Variants in NOL4 observed in about 807,000 individuals in gnomAD.
NOL4 encodes nucleolar protein 4.
In NOL4, 17 loss-of-function variants were observed where a neutral mutation model predicts 75.9. The observed-to-expected ratio is 0.22, with a 90% confidence interval of 0.15 to 0.34. NOL4 has a LOEUF of 0.34. NOL4 is among the 10% of genes least tolerant of loss of function. The pLI, the probability that NOL4 is intolerant of heterozygous loss-of-function variation, is 1.00. For missense variants in NOL4, 614 were observed against 793.5 expected, an observed-to-expected ratio of 0.77 and a Z score of 2.72; for synonymous variants, 292 against 289.9, an observed-to-expected ratio of 1.01 and a Z score of -0.07.
chr18:33,889,437 G>C (rs897031397), intron 9 of NOL4, among the ~76,000 whole-genome samples: 2 of 151,672 alleles, frequency 1.3e-5, no homozygotes, highest in African/African-American at 4.8e-5. Context: ...GACGGATTCT[G>C]GTAGGAATTC....
At chr18:34,140,573 C>G (rs2081102926) in intron 1 of NOL4, among the ~76,000 whole-genome samples, 1 of 152,126 alleles carries the variant, frequency 6.6e-6, no homozygotes, top group Non-Finnish European at 1.5e-5. Context: ...CTATGTGTGT[C>G]TCTGCACATG....
rs367692716 is a variant in NOL4 at position 34,223,245 on chromosome 18, G to A, written c.9C>T (p.Ser3=). The change falls in exon 1 of 11, where the codon AGC becomes AGT. Residue 3 remains serine, a synonymous_variant. Transcript: ENST00000261592. ...GGAACTGGCGGTACATGTCGCGCTC[G>A]CTCTCCATGTTCCCCGCGCTCGGCC... is the stretch of plus-strand genomic sequence containing the variant. ME[S]ERDMYRQFQD... is the part of the protein sequence containing the mutation. 67 of 1,613,410 alleles carry A rather than the reference G, an allele frequency of 4.2e-5. No individual in the cohort carries two copies. The highest frequency in any genetic ancestry group is 5.6e-5 in the Non-Finnish European group (66 of 1,179,940).
intron 5 of NOL4, among the ~76,000 whole-genome samples, chr18:34,020,909 C>T (rs1338655390): frequency 2.6e-5 from 4 of 152,038 alleles, no homozygotes; most frequent in Non-Finnish European, 5.9e-5. Flanking sequence ...GTAGTGAAAT[C>T]ATATAAATAT....
At chr18:34,060,914 G>C (rs927572870) in intron 5 of NOL4, among the ~76,000 whole-genome samples, 1 of 152,172 alleles carries the variant, frequency 6.6e-6, no homozygotes, top group Non-Finnish European at 1.5e-5. Context: ...AAAAATAAAA[G>C]TGCTATGTAA....
At chr18:33,987,535 C>A (rs369964339) in intron 6 of NOL4, among the ~76,000 whole-genome samples, 1 of 152,060 alleles carries the variant, frequency 6.6e-6, no homozygotes. Flanking sequence ...ATAATTATCC[C>A]ATATTTGATC....
At chr18:34,093,440 T>A in intron 5 of NOL4, 25 bp downstream of exon 5, 1 of 1,546,072 alleles carries the variant, frequency 6.5e-7, no homozygotes, top group Non-Finnish European at 8.8e-7. Flanking sequence ...TTGTTTTGCT[T>A]ATTTAGTCAA....
At chr18:33,864,617 T>C (rs563556495) in intron 10 of NOL4, among the ~76,000 whole-genome samples, 12 of 152,262 alleles carry the variant, frequency 7.9e-5, no homozygotes, top group African/African-American at 2.6e-4. Context: ...TCCAAACTGT[T>C]CCAACTGCTG....
chr18:33,919,423 T>C (rs563711556), intron 9 of NOL4, among the ~76,000 whole-genome samples: 1 of 152,310 alleles, frequency 6.6e-6, no homozygotes, highest in East Asian at 1.9e-4. Context: ...CCTGGGCTGC[T>C]GTTGGGCTTG....
chr18:33,878,190 C>A (rs757230076), intron 10 of NOL4, among the ~76,000 whole-genome samples: 11 of 152,108 alleles, frequency 7.2e-5, no homozygotes, highest in Non-Finnish European at 1.6e-4. Context: ...ATTAACAATG[C>A]ATAACAAAAC....
At chr18:34,075,982 A>G (rs1003432699) in intron 5 of NOL4, among the ~76,000 whole-genome samples, 3 of 151,738 alleles carry the variant, frequency 2.0e-5, no homozygotes, top group African/African-American at 7.3e-5. Context: ...TTGTGGGGGG[A>G]GTATAAATTT....
chr18:34,015,950 A>T (rs1052736669), intron 6 of NOL4, among the ~76,000 whole-genome samples: 8 of 152,102 alleles, frequency 5.3e-5, no homozygotes, highest in Admixed American at 4.6e-4. Context: ...AAGTATTGAG[A>T]AACATCTATG....
intron 6 of NOL4, among the ~76,000 whole-genome samples, chr18:33,970,462 C>T (rs2070960659): frequency 6.6e-6 from 1 of 151,926 alleles, no homozygotes; most frequent in Non-Finnish European, 1.5e-5. Flanking sequence ...ATTATTTTGG[C>T]TTCATGTGAC....
chr18:33,875,429 G>A (rs923756050), intron 10 of NOL4, among the ~76,000 whole-genome samples: 3 of 152,040 alleles, frequency 2.0e-5, no homozygotes, highest in East Asian at 3.9e-4. Context: ...ACAAATGGAG[G>A]TTGGCTAATG....
chr18:34,099,341 C>T (rs1034144875), intron 4 of NOL4, among the ~76,000 whole-genome samples: 6 of 92,636 alleles, frequency 6.5e-5, no homozygotes, highest in Admixed American at 5.1e-4. Flanking sequence ...CCAGCCTAGG[C>T]AACAGAGTGA....
rs1416762357 is a variant in NOL4 at position 34,122,516 on chromosome 18, C to T, written c.414+7355G>A. ...AAGAAAAAAACCATCTTTCTAGTCA[C>T]ATTATTATAATATCTATAGTGTTTG... On this transcript the variant is annotated intron_variant, in intron 2 of 10. Transcript: ENST00000261592. Among the ~76,000 whole-genome samples, 3 of 152,172 alleles carry T rather than the reference C, an allele frequency of 2.0e-5. No individual in the cohort carries two copies. In the East Asian group the frequency reaches 5.8e-4, roughly 29 times the overall value.
chr18:34,164,226 C>A (rs1363118840), intron 1 of NOL4, among the ~76,000 whole-genome samples: 4 of 151,780 alleles, frequency 2.6e-5, no homozygotes, highest in Non-Finnish European at 4.4e-5. Context: ...GCAACAAAAG[C>A]CAGAATTGAC....
intron 1 of NOL4, among the ~76,000 whole-genome samples, chr18:34,143,906 C>G (rs573688456): frequency 3.4e-4 from 51 of 149,664 alleles, no homozygotes; most frequent in Non-Finnish European, 5.2e-4. Flanking sequence ...TCTTTCAGCT[C>G]TACTAAGACA....
chr18:34,064,982 A>G (rs1458035096), intron 5 of NOL4, among the ~76,000 whole-genome samples: 1 of 151,780 alleles, frequency 6.6e-6, no homozygotes, highest in Non-Finnish European at 1.5e-5. Flanking sequence ...TATGCCAAAA[A>G]AGAAAAATAT....
chr18:33,955,295 T>A (rs1227081902), intron 8 of NOL4, among the ~76,000 whole-genome samples: 1 of 152,116 alleles, frequency 6.6e-6, no homozygotes, highest in Non-Finnish European at 1.5e-5. Flanking sequence ...GCTATTCCCA[T>A]GCTTATGATA....
Sources: gnomAD v4.1 joint callset for allele counts (sites outside exome capture counted in the v4.1 genomes callset) on GRCh38, gnomAD v4.1.1 for gene constraint, MANE v1.5 for transcripts, NCBI Gene and HGNC (gene_info 2026-07-23, HGNC 2026-07-21) for gene names.